The following AQP9 variants were observed in gnomAD, a reference collection of about 807,000 sequenced individuals.
The protein encoded by AQP9 is aquaporin 9.
In AQP9, 19 loss-of-function variants were observed where a neutral mutation model predicts 23.8. The ratio of observed to expected loss-of-function variants is 0.80; its 90% confidence interval spans 0.56 to 1.17. The LOEUF is 1.17. AQP9 is among the 50% of genes most tolerant of loss of function. The pLI, the probability that AQP9 is intolerant of heterozygous loss-of-function variation, is 0.00. For synonymous variants in AQP9, 153 were observed against 131.5 expected (o/e 1.16, Z -1.12); for missense variants, 413 against 362.0 (o/e 1.14, Z -1.14).
chr15:58,169,576 T>C (rs1432785144), intron 2 of AQP9, among the ~76,000 whole-genome samples: 1 of 152,122 alleles, frequency 6.6e-6, no homozygotes, highest in Non-Finnish European at 1.5e-5. Context: ...GCTTGTAAGG[T>C]CTGCTTGAAG....
In AQP9 at chr15:58,172,806, A is replaced by G. The variant is rs1012240139; in HGVS notation, c.239-262A>G. On this transcript the variant is annotated intron_variant, in intron 2 of 5. Coordinates refer to ENST00000219919, the MANE Select transcript of AQP9 (RefSeq NM_020980.5). ...AAAAAACAGCCACTTGAGCACATCA[A>G]GTTTCTTTTTATACCTGACTCTCTT... 2.6e-5 allele frequency among the ~76,000 whole-genome samples: 4 copies of G among 152,282 alleles called. No individual in the cohort carries two copies. The East Asian group carries it at 5.8e-4, about 22-fold the overall frequency.
chr15:58,155,249 A>G (rs531449899), intron 1 of AQP9: 1 of 152,308 alleles, frequency 6.6e-6, no homozygotes, highest in Non-Finnish European at 1.5e-5. Flanking sequence ...CTCTTCCTAC[A>G]CATTGGCCAA....
intron 1 of AQP9, among the ~76,000 whole-genome samples, chr15:58,149,981 T>G (rs542423275): frequency 1.3e-5 from 2 of 152,314 alleles, no homozygotes; most frequent in East Asian, 3.9e-4. Flanking sequence ...CCAGCCCAGG[T>G]GTGTTATCAC....
chr15:58,155,356 C>G, intron 1 of AQP9: 1 of 152,132 alleles, frequency 6.6e-6, no homozygotes, highest in East Asian at 1.9e-4. Flanking sequence ...AGGTTACGTA[C>G]TCCCATGAGG....
rs1378868785 is a variant in AQP9, at chr15:58,173,220, T to C, written c.376+15T>C. ...CATTTACTATGGTGAGTAAAGTCCCTGAGTCCTAAGGTTAGGAAGAGCTGG... is the reference window on the plus strand; with the variant it reads ...CATTTACTATGGTGAGTAAAGTCCCCGAGTCCTAAGGTTAGGAAGAGCTGG... On this transcript the variant is annotated intron_variant, in intron 3 of 5. Transcript: ENST00000219919. The C allele has an allele frequency of 6.2e-7, 1 of 1,614,060 alleles. No homozygotes were observed. The highest frequency in any genetic ancestry group is 8.5e-7 in the Non-Finnish European group (1 of 1,179,994).
chr15:58,172,421 A>G (rs1898644305), intron 2 of AQP9, among the ~76,000 whole-genome samples: 1 of 152,218 alleles, frequency 6.6e-6, no homozygotes, highest in Admixed American at 6.5e-5. Flanking sequence ...AAGTCAAGGA[A>G]GCCGATTTCT....
At chr15:58,152,743 G>A (rs534923327) in intron 1 of AQP9, 2 of 152,112 alleles carry the variant, frequency 1.3e-5, no homozygotes, top group South Asian at 4.1e-4. Flanking sequence ...TTTATTACTA[G>A]CCTCATCCCT....
At chr15:58,173,346 G>GACCAAATTT (rs1438451129) in intron 3 of AQP9, 141 bp downstream of exon 3, 2 of 1,244,462 alleles carry the variant, frequency 1.6e-6, no homozygotes, top group African/African-American at 3.0e-5. Flanking sequence ...TTGAGAAAAT[G>GACCAAATTT]AGGCCATATT....
Position 58,173,072 on chromosome 15 carries a change from T to C in AQP9, c.243T>C (p.Gly81=). 2 of 1,613,950 alleles carry C rather than the reference T, an allele frequency of 1.2e-6. No homozygotes were observed. Among genetic ancestry groups the C allele is most frequent in the South Asian group, 1.1e-5 (1 of 91,066 alleles). ...TTCTCCAATCTTCCCTTGCAGGTGG[T>C]CACATCAACCCAGCTGTGTCTTTAG... is the stretch of plus-strand genomic sequence containing the variant. The part of the protein sequence containing the change: ...AIYVAGGVSG[G]HINPAVSLAM... Residue 81 remains glycine, a synonymous_variant, in exon 3 of 6, where the codon GGT becomes GGC. Coordinates refer to ENST00000219919, the MANE Select transcript of AQP9 (RefSeq NM_020980.5).
chr15:58,138,627 G>A lies in AQP9; in HGVS notation c.62G>A (p.Ser21Asn). The A allele has an allele frequency of 6.2e-7, 1 of 1,613,900 alleles. No homozygotes were observed. The highest frequency in any genetic ancestry group is 8.5e-7 in the Non-Finnish European group (1 of 1,179,838). ...AAGCAGAGACTGGTCTTGAAGAGCA[G>A]CTTAGCGAAAGAAACCCTCTCTGAG... Reference protein sequence around the residue: ...SFKQRLVLKSSLAKETLSEFL... With the variant: ...SFKQRLVLKSNLAKETLSEFL... The change falls in exon 1 of 6, where the codon AGC (serine) becomes AAC (asparagine). Residue 21 changes from serine to asparagine, a missense_variant. Ser to Asn is a conservative substitution (Grantham distance 46, BLOSUM62 1). Transcript: ENST00000219919.
chr15:58,175,699 G>GT (rs1191236676), intron 4 of AQP9, among the ~76,000 whole-genome samples: 1 of 151,800 alleles, frequency 6.6e-6, no homozygotes, highest in Non-Finnish European at 1.5e-5. Flanking sequence ...ATATTTTTCA[G>GT]TATCTCTAAG....
chr15:58,178,062 T>C (rs1898796647), intron 4 of AQP9, among the ~76,000 whole-genome samples: 2 of 152,266 alleles, frequency 1.3e-5, no homozygotes, highest in South Asian at 2.1e-4. Flanking sequence ...ATATCAGATA[T>C]TATAATAATC....
intron 4 of AQP9, among the ~76,000 whole-genome samples, chr15:58,176,929 C>T (rs1326389074): frequency 1.3e-5 from 2 of 152,088 alleles, no homozygotes; most frequent in Non-Finnish European, 2.9e-5. Flanking sequence ...TTCATTGTGT[C>T]CTTGTCTCAG....
In AQP9 at chr15:58,183,892, T is replaced by A. The variant is rs539257578; in HGVS notation, c.714-69T>A. On this transcript the variant is annotated intron_variant, in intron 5 of 5. Transcript: ENST00000219919. Reference sequence around the variant, plus strand: ...AGTGTGAGAAAGACTAACAAGTGAGTGAAAAACTAGACAGTAATACCAGGA... The same window carrying A: ...AGTGTGAGAAAGACTAACAAGTGAGAGAAAAACTAGACAGTAATACCAGGA... 3 of 1,267,056 alleles carry A rather than the reference T, an allele frequency of 2.4e-6. No individual in the cohort carries two copies. The East Asian group carries it at 7.4e-5, about 31-fold the overall frequency. 78.5% of individuals were successfully genotyped at this position (1,267,056 alleles called of 1,614,324 possible). A position where few individuals can be genotyped will look rare whatever the true frequency, so the allele number is the denominator to read the frequency against.
intron 1 of AQP9, among the ~76,000 whole-genome samples, chr15:58,161,518 C>T (rs1334600186): frequency 6.6e-6 from 1 of 152,102 alleles, no homozygotes; most frequent in African/African-American, 2.4e-5. Flanking sequence ...ACTTGAAGAT[C>T]TTATCAGCTT....
chr15:58,166,498 C>A, intron 1 of AQP9, 175 bp from the exon 2 acceptor site: 1 of 724,282 alleles, frequency 1.4e-6, no homozygotes, highest in Non-Finnish European at 2.0e-6. Flanking sequence ...CAAATGCAGC[C>A]TTGGGTCCAC....
At chr15:58,144,487 G>C (rs1393888543) in intron 1 of AQP9, among the ~76,000 whole-genome samples, 1 of 152,116 alleles carries the variant, frequency 6.6e-6, no homozygotes, top group East Asian at 1.9e-4. Context: ...GTCCAAACTT[G>C]CACTACCTCA....
intron 1 of AQP9, among the ~76,000 whole-genome samples, chr15:58,145,521 A>T (rs75479835): frequency 0.02 from 3,079 of 151,594 alleles, 105 homozygotes; most frequent in African/African-American, 0.069. Flanking sequence ...ATATATATAT[A>T]TTTTTTAACT....
At chr15:58,168,355 A>T (rs1374431577) in intron 2 of AQP9, among the ~76,000 whole-genome samples, 3 of 152,120 alleles carry the variant, frequency 2.0e-5, no homozygotes, top group Non-Finnish European at 4.4e-5. Context: ...CTTACACAGC[A>T]TTTACAATGC....
Sources: gnomAD v4.1 joint callset for allele counts (sites outside exome capture counted in the v4.1 genomes callset) on GRCh38, gnomAD v4.1.1 for gene constraint, MANE v1.5 for transcripts, NCBI Gene and HGNC (gene_info 2026-07-23, HGNC 2026-07-21) for gene names.